Variants in VPS13B observed in about 807,000 individuals in gnomAD.
VPS13B encodes intermembrane lipid transfer protein VPS13B.
VPS13B carries 285 observed loss-of-function variants against 426.4 expected under a neutral mutation model. The observed-to-expected ratio is 0.67, with a 90% confidence interval of 0.61 to 0.74. VPS13B has a LOEUF of 0.74. Ranked by LOEUF, VPS13B falls within the 30% of genes least tolerant of loss-of-function variation. The probability of loss-of-function intolerance (pLI) is 0.00; values close to 1 mark genes in which losing one functional copy is unlikely to be tolerated. For missense variants in VPS13B, 4,537 were observed against 4,782.6 expected, an observed-to-expected ratio of 0.95 and a Z score of 1.51; for synonymous variants, 1,676 against 1,676.4, an observed-to-expected ratio of 1.00 and a Z score of 0.01.
chr8:99,055,148 C>G (rs367955315), intron 3 of VPS13B, among the ~76,000 whole-genome samples: 4 of 151,204 alleles, frequency 2.6e-5, no homozygotes, highest in African/African-American at 9.7e-5. Context: ...AAGTGATTCT[C>G]CAGCCTTAAC....
rs536526120 is a variant in VPS13B at position 99,372,188 on chromosome 8, C to G, written c.2825-12020C>G. ...ATGGCGTGAACCCCAGGGGGCGGAG[C>G]CTGCAGTGAGCCGAGATTGCGCCAC... On this transcript the variant is annotated intron_variant, in intron 19 of 61. Transcript: ENST00000357162. 8.6e-5 allele frequency among the ~76,000 whole-genome samples: 13 copies of G among 150,654 alleles called. No homozygotes were observed. In the South Asian group the frequency reaches 2.5e-3, roughly 29 times the overall value.
intron 39 of VPS13B, among the ~76,000 whole-genome samples, chr8:99,736,801 A>G (rs1343821438): frequency 6.6e-6 from 1 of 152,114 alleles, no homozygotes; most frequent in Non-Finnish European, 1.5e-5. Flanking sequence ...CTAGTGTCAG[A>G]CATTACGCTG....
At chr8:99,023,583 C>T (rs750056044) in intron 2 of VPS13B, among the ~76,000 whole-genome samples, 8 of 151,362 alleles carry the variant, frequency 5.3e-5, no homozygotes, top group Non-Finnish European at 1.2e-4. Context: ...TGGGTTCAAG[C>T]GATTCTTCTG....
intron 23 of VPS13B, among the ~76,000 whole-genome samples, chr8:99,444,295 C>T (rs1302013929): frequency 1.3e-5 from 2 of 152,038 alleles, no homozygotes; most frequent in Admixed American, 6.6e-5. Context: ...GTCAGGGTTT[C>T]ACCATATTGG....
At chr8:99,512,837 A>T (rs1468300132) in intron 29 of VPS13B, among the ~76,000 whole-genome samples, 1 of 151,992 alleles carries the variant, frequency 6.6e-6, no homozygotes, top group Non-Finnish European at 1.5e-5. Flanking sequence ...GTGAAACCCC[A>T]GCTCTACTAA....
intron 35 of VPS13B, chr8:99,696,792 A>G (rs1319010712): frequency 4.3e-6 from 6 of 1,409,164 alleles, no homozygotes; most frequent in Non-Finnish European, 6.0e-6. Flanking sequence ...AAATTATTTG[A>G]GAATGAGCTG....
At chr8:99,717,435 A>T in intron 37 of VPS13B, 62 bp downstream of exon 37, 10 of 1,431,290 alleles carry the variant, frequency 7.0e-6, no homozygotes, top group Non-Finnish European at 9.8e-6. Flanking sequence ...TCATTTTTTG[A>T]ACTGTTTCAC....
At chr8:99,225,299 A>G (rs1815954982) in intron 17 of VPS13B, among the ~76,000 whole-genome samples, 1 of 151,456 alleles carries the variant, frequency 6.6e-6, no homozygotes, top group African/African-American at 2.4e-5. Flanking sequence ...TTGTTTTTTG[A>G]GATGGAGTTT....
At chr8:99,307,011 A>G (rs868365088) in intron 19 of VPS13B, among the ~76,000 whole-genome samples, 7 of 152,124 alleles carry the variant, frequency 4.6e-5, no homozygotes, top group Non-Finnish European at 1.0e-4. Flanking sequence ...ACTCGATTAA[A>G]CAAGTATTAC....
In VPS13B at chr8:99,101,984, A is replaced by AT. The variant is rs35749818; in HGVS notation, c.413-960dup. 3.9e-3 allele frequency among the ~76,000 whole-genome samples: 598 copies of AT among 151,834 alleles called. 7 individuals carry two copies. Among genetic ancestry groups the AT allele is most frequent in the African/African-American group, 0.013 (529 of 41,452 alleles). On this transcript the variant is annotated intron_variant, in intron 4 of 61. Coordinates refer to ENST00000357162, the MANE Select transcript of VPS13B (RefSeq NM_152564.5). ...TAGCTTTTTACAGTGGAAAAGATTA[A>AT]TTTTTTTTTCTCCTGGCTTTTAAAA...
At chr8:99,071,145 C>A (rs1844830528) in intron 3 of VPS13B, among the ~76,000 whole-genome samples, 1 of 151,942 alleles carries the variant, frequency 6.6e-6, no homozygotes, top group African/African-American at 2.4e-5. Context: ...GCCTTGATGC[C>A]TGTGGATGTT....
chr8:99,233,798 T>C lies in VPS13B; in HGVS notation c.2516-40400T>C, dbSNP rs1816489787. On this transcript the variant is annotated intron_variant, in intron 17 of 61. Coordinates refer to ENST00000357162, the MANE Select transcript of VPS13B (RefSeq NM_152564.5). ...TCCAATCAGTCTTCCAAACAAGCCA[T>C]TGTGGGCCACGATTTTCAGAGGAAT... 6.4e-6 allele frequency: 5 copies of C among 778,852 alleles called. No homozygotes were observed. The Admixed American group carries it at 6.8e-5, about 11-fold the overall frequency. 48.2% of individuals were successfully genotyped at this position (778,852 alleles called of 1,614,324 possible).
At chr8:99,339,764 C>A (rs1401167745) in intron 19 of VPS13B, among the ~76,000 whole-genome samples, 1 of 152,170 alleles carries the variant, frequency 6.6e-6, no homozygotes, top group Non-Finnish European at 1.5e-5. Context: ...CACCAAAAAT[C>A]ATGTTTCACT....
intron 43 of VPS13B, among the ~76,000 whole-genome samples, chr8:99,788,860 C>T (rs749164721): frequency 6.6e-6 from 1 of 152,146 alleles, no homozygotes; most frequent in Non-Finnish European, 1.5e-5. Flanking sequence ...CTCAGTTGAT[C>T]AAATTCAGTA....
chr8:99,137,689 C>G (rs906917588), intron 12 of VPS13B, among the ~76,000 whole-genome samples: 7 of 152,124 alleles, frequency 4.6e-5, no homozygotes, highest in African/African-American at 1.7e-4. Flanking sequence ...TTTCATTGGT[C>G]AATCCTTAAT....
chr8:99,477,806 A>G (rs1156365348), intron 24 of VPS13B, among the ~76,000 whole-genome samples: 1 of 152,188 alleles, frequency 6.6e-6, no homozygotes, highest in African/African-American at 2.4e-5. Flanking sequence ...CAGTGTTCTT[A>G]GACACTGTGT....
At chr8:99,773,716 G>T (rs1042502080) in intron 40 of VPS13B, among the ~76,000 whole-genome samples, 7 of 152,148 alleles carry the variant, frequency 4.6e-5, no homozygotes, top group Non-Finnish European at 7.4e-5. Flanking sequence ...GAGAGGTCTT[G>T]CTTCCAGGAA....
chr8:99,345,687 G>C (rs1276033715), intron 19 of VPS13B, among the ~76,000 whole-genome samples: 1 of 151,974 alleles, frequency 6.6e-6, no homozygotes, highest in Non-Finnish European at 1.5e-5. Context: ...ATGAGCAAAA[G>C]GTTATTTAAA....
At chr8:99,499,476 T>C (rs1041596918) in intron 25 of VPS13B, among the ~76,000 whole-genome samples, 1 of 152,156 alleles carries the variant, frequency 6.6e-6, no homozygotes, top group Non-Finnish European at 1.5e-5. Flanking sequence ...TTCTGTCTGT[T>C]GGAAGGAGGG....
Sources: gnomAD v4.1 joint callset for allele counts (sites outside exome capture counted in the v4.1 genomes callset) on GRCh38, gnomAD v4.1.1 for gene constraint, MANE v1.5 for transcripts, NCBI Gene and HGNC (gene_info 2026-07-23, HGNC 2026-07-21) for gene names.